C1orf87: variants seen among roughly 807,000 people sequenced by gnomAD.
The protein encoded by C1orf87 is chromosome 1 open reading frame 87, also known as uncharacterized protein C1orf87.
In C1orf87, 58 loss-of-function variants were observed where a neutral mutation model predicts 60.5. The observed-to-expected ratio is 0.96, with a 90% CI of 0.78 to 1.19. The LOEUF is 1.19. C1orf87 is among the 50% of genes most tolerant of loss of function. The pLI is 0.00. For synonymous variants in C1orf87, 236 were observed against 227.4 expected (o/e 1.04, Z -0.34); for missense variants, 673 against 638.6 (o/e 1.05, Z -0.58).
chr1:60,068,549 C>T (rs1183880598), intron 2 of C1orf87, among the ~76,000 whole-genome samples: 1 of 152,174 alleles, frequency 6.6e-6, no homozygotes, highest in African/African-American at 2.4e-5. Context: ...ACCATCCAGT[C>T]TAGAGTTCTC....
intron 5 of C1orf87, among the ~76,000 whole-genome samples, chr1:60,038,586 A>G (rs1645295599): frequency 1.3e-5 from 2 of 152,184 alleles, no homozygotes; most frequent in Admixed American, 1.3e-4. Flanking sequence ...TGGGGTTATT[A>G]CTATAGTACA....
At chr1:60,065,574 T>A (rs1000168857) in intron 2 of C1orf87, among the ~76,000 whole-genome samples, 5 of 152,086 alleles carry the variant, frequency 3.3e-5, no homozygotes, top group African/African-American at 1.2e-4. Flanking sequence ...GTGTTTCCCA[T>A]CACTAGAACT....
intron 2 of C1orf87, among the ~76,000 whole-genome samples, chr1:60,059,101 G>A (rs757322677): frequency 3.3e-4 from 50 of 152,028 alleles, no homozygotes; most frequent in Admixed American, 9.8e-4. Context: ...AATACATAGC[G>A]CTTTGAAAAT....
intron 9 of C1orf87, among the ~76,000 whole-genome samples, chr1:60,006,598 T>G (rs573317377): frequency 5.3e-4 from 78 of 146,522 alleles, no homozygotes; most frequent in African/African-American, 1.8e-3. Flanking sequence ...CTTTGCTTTC[T>G]GCATCCTCTT....
chr1:60,027,065 A>G (rs773080352), intron 7 of C1orf87, among the ~76,000 whole-genome samples: 10 of 152,228 alleles, frequency 6.6e-5, no homozygotes, highest in Non-Finnish European at 1.3e-4. Flanking sequence ...GACAAGAGAT[A>G]CTTGACCTGT....
At chr1:60,019,771 C>T (rs1645149705) in intron 8 of C1orf87, among the ~76,000 whole-genome samples, 1 of 152,142 alleles carries the variant, frequency 6.6e-6, no homozygotes, top group Non-Finnish European at 1.5e-5. Flanking sequence ...TTGCCCTTGC[C>T]TTAGATATCT....
At chr1:60,057,209 G>A (rs558700070) in intron 2 of C1orf87, among the ~76,000 whole-genome samples, 2 of 152,280 alleles carry the variant, frequency 1.3e-5, no homozygotes, top group South Asian at 4.1e-4. Flanking sequence ...ATTAAATGCT[G>A]CTGAGAAAGG....
At chr1:60,031,388 C>T (rs1286750684) in intron 7 of C1orf87, among the ~76,000 whole-genome samples, 1 of 152,108 alleles carries the variant, frequency 6.6e-6, no homozygotes, top group African/African-American at 2.4e-5. Context: ...GAAAATGTAC[C>T]CCATTTCCTT....
intron 6 of C1orf87, among the ~76,000 whole-genome samples, chr1:60,034,339 G>T (rs942128692): frequency 1.3e-5 from 2 of 152,166 alleles, no homozygotes; most frequent in Non-Finnish European, 2.9e-5. Flanking sequence ...GGTTTGATAT[G>T]TTTACTTATC....
intron 9 of C1orf87, 83 bp from the exon 10 acceptor site, chr1:60,001,239 ACAG>A (rs34585993): frequency 0.63 from 561,354 of 893,446 alleles, 180,111 homozygotes; most frequent in South Asian, 0.72. Flanking sequence ...GGCAACAACA[ACAG>A]CAACAACAAA....
intron 5 of C1orf87, among the ~76,000 whole-genome samples, chr1:60,038,927 A>G (rs896039153): frequency 6.6e-6 from 1 of 152,330 alleles, no homozygotes. Context: ...AGGGCCCCTG[A>G]TAGAAACTAG....
At chr1:60,026,713 A>G (rs571618237) in intron 7 of C1orf87, among the ~76,000 whole-genome samples, 2 of 152,354 alleles carry the variant, frequency 1.3e-5, no homozygotes, top group Admixed American at 6.5e-5. Flanking sequence ...AGTAAATAAT[A>G]GCAACTACTA....
chr1:60,045,292 G>A (rs566812015), intron 3 of C1orf87, among the ~76,000 whole-genome samples: 1 of 151,956 alleles, frequency 6.6e-6, no homozygotes, highest in Non-Finnish European at 1.5e-5. Flanking sequence ...TAAGTAAAAA[G>A]TTGTATACTT....
intron 10 of C1orf87, among the ~76,000 whole-genome samples, chr1:59,999,497 T>C (rs985605771): frequency 6.6e-6 from 1 of 152,126 alleles, no homozygotes; most frequent in Non-Finnish European, 1.5e-5. Flanking sequence ...TGCCCTTGGA[T>C]CTGAGAAATT....
At chr1:60,034,377 G>A (rs1444177296) in intron 6 of C1orf87, among the ~76,000 whole-genome samples, 1 of 152,172 alleles carries the variant, frequency 6.6e-6, no homozygotes, top group Non-Finnish European at 1.5e-5. Flanking sequence ...TGTTCCTCCA[G>A]ATCCAGGTGT....
chr1:60,060,485 G>A (rs1645488021), intron 2 of C1orf87, among the ~76,000 whole-genome samples: 2 of 152,008 alleles, frequency 1.3e-5, no homozygotes, highest in Non-Finnish European at 2.9e-5. Context: ...TCATCACTCA[G>A]GTACAAAGGG....
chr1:60,029,364 A>G (rs1317416690), intron 7 of C1orf87, among the ~76,000 whole-genome samples: 1 of 152,194 alleles, frequency 6.6e-6, no homozygotes, highest in East Asian at 1.9e-4. Context: ...ATTCTAATCA[A>G]TTCTCCAAAT....
intron 9 of C1orf87, among the ~76,000 whole-genome samples, chr1:60,005,490 G>A (rs1021844420): frequency 2.6e-5 from 4 of 152,078 alleles, no homozygotes; most frequent in Non-Finnish European, 4.4e-5. Flanking sequence ...TGCCATTTTA[G>A]ATAGATAATT....
intron 8 of C1orf87, among the ~76,000 whole-genome samples, chr1:60,024,060 T>C (rs972521797): frequency 3.9e-5 from 6 of 152,226 alleles, no homozygotes; most frequent in African/African-American, 1.4e-4. Flanking sequence ...TCTTTTAATA[T>C]GCTTGTTTAC....
Sources: allele counts gnomAD v4.1 joint callset (sites outside exome capture counted in the v4.1 genomes callset), GRCh38; gene constraint gnomAD v4.1.1; transcripts MANE v1.5; gene names NCBI Gene and HGNC (gene_info 2026-07-23, HGNC 2026-07-21).